Variants in INPP5D observed in about 807,000 individuals in gnomAD.
INPP5D encodes the protein phosphatidylinositol 3,4,5-trisphosphate 5-phosphatase 1.
Under a neutral mutation model 122.9 loss-of-function variants are expected in INPP5D, and 33 were observed. The ratio of observed to expected loss-of-function variants is 0.27; its 90% CI spans 0.20 to 0.36. The LOEUF is 0.36. Among genes scored for constraint, INPP5D ranks in the 10% least tolerant of loss-of-function variants. The pLI, the probability that INPP5D is intolerant of heterozygous loss-of-function variation, is 1.00. For synonymous variants in INPP5D, 584 were observed against 576.2 expected (o/e 1.01, Z -0.19); for missense variants, 1,053 against 1,412.7 (o/e 0.75, Z 4.08).
chr2:233,198,379 G>T lies in INPP5D; in HGVS notation c.2975+3G>T. The T allele has an allele frequency of 6.2e-7, 1 of 1,605,668 alleles. No individual in the cohort carries two copies. Among genetic ancestry groups the T allele is most frequent in the Non-Finnish European group, 8.5e-7 (1 of 1,173,520 alleles). ...CCTCCCAGGACACAGGAGTCAAGGT[G>T]AGCATCCTCTTCATTAAGACGGCTC... On this transcript the variant is annotated splice_donor_region_variant and intron_variant, in intron 25 of 26. Coordinates refer to ENST00000445964, the MANE Select transcript of INPP5D (RefSeq NM_001017915.3).
In INPP5D at chr2:233,086,248, G is replaced by T. The variant is rs546647680; in HGVS notation, c.198+6850G>T. Reference sequence around the variant, plus strand: ...GGGTGGAGGGCAATGGCATGATCTCGGCTCACCACAACCTCCGCCTCCTGG... The same window carrying T: ...GGGTGGAGGGCAATGGCATGATCTCTGCTCACCACAACCTCCGCCTCCTGG... On this transcript the variant is annotated intron_variant, in intron 2 of 26. Coordinates refer to ENST00000445964, the MANE Select transcript of INPP5D (RefSeq NM_001017915.3). 2.7e-5 allele frequency among the ~76,000 whole-genome samples: 4 copies of T among 149,420 alleles called. No individual in the cohort carries two copies. The South Asian group carries it at 6.3e-4, about 24-fold the overall frequency.
At position 233,204,159 on chromosome 2, in the gene INPP5D, G is replaced by A. The variant is rs1273634926; in HGVS notation, c.3009G>A (p.Thr1003=). The change falls in exon 26 of 27, where the codon ACG becomes ACA. Residue 1003 remains threonine, a synonymous_variant. Transcript: ENST00000445964. ...ACCTGGGGAAGAACGCAGGGGACAC[G>A]CTGCCTCAGGAGGACCTGCCGCTGA... The part of the protein sequence containing the change: ...PSDLGKNAGD[T]LPQEDLPLTK... 1.1e-5 allele frequency: 17 copies of A among 1,585,652 alleles called. No homozygotes were observed. The highest frequency in any genetic ancestry group is 3.6e-5 in the Admixed American group (2 of 55,022).
intron 1 of INPP5D, among the ~76,000 whole-genome samples, chr2:233,075,354 A>G (rs1210371246): frequency 6.6e-6 from 1 of 152,238 alleles, no homozygotes; most frequent in Non-Finnish European, 1.5e-5. Flanking sequence ...AGGTGTTACC[A>G]AATCACCACA....
At chr2:233,089,182 G>A (rs984055081) in intron 2 of INPP5D, among the ~76,000 whole-genome samples, 9 of 152,120 alleles carry the variant, frequency 5.9e-5, no homozygotes, top group African/African-American at 1.4e-4. Context: ...TTGAGGACAC[G>A]GGAGGGACCA....
rs1694999978 is a variant in INPP5D at position 233,189,598 on chromosome 2, G to C, written c.2359-252G>C. Among the ~76,000 whole-genome samples, 1 of 152,148 alleles carries C rather than the reference G, an allele frequency of 6.6e-6. No individual in the cohort carries two copies. Among genetic ancestry groups the C allele is most frequent in the South Asian group, 2.1e-4 (1 of 4,818 alleles). On this transcript the variant is annotated intron_variant, in intron 21 of 26. Transcript: ENST00000445964. The surrounding 1 kb of genome is among the most constrained non-coding windows in gnomAD (Gnocchi z 5.6). ...GTCAGGCCTTCTTGCTGGGACCTGG[G>C]AGCCAGCTCAGTTTAGGAGGCCTGG...
rs1383176420 is a variant in INPP5D at position 233,122,367 on chromosome 2, C to T, written c.349+110C>T. The T allele has an allele frequency of 1.2e-5, 15 of 1,202,500 alleles. No individual in the cohort carries two copies. In the South Asian group the frequency reaches 1.7e-4, roughly 13 times the overall value. 74.5% of individuals were successfully genotyped at this position (1,202,500 alleles called of 1,614,324 possible). On this transcript the variant is annotated intron_variant, in intron 3 of 26. Transcript: ENST00000445964. ...CCTATTATCAGAGGGAGATTGTTGG[C>T]GTGGGGGTTAAGGACAAGTTAGGAA...
chr2:233,093,879 C>G (rs1189285726), intron 2 of INPP5D, among the ~76,000 whole-genome samples: 2 of 152,130 alleles, frequency 1.3e-5, no homozygotes, highest in Non-Finnish European at 2.9e-5. Context: ...GGCTTCAGGC[C>G]ACACTCCCTT....
rs1037647648 is a variant in INPP5D at position 233,100,795 on chromosome 2, G to A, written c.199-21312G>A. 1.3e-5 allele frequency among the ~76,000 whole-genome samples: 2 copies of A among 152,182 alleles called. No homozygotes were observed. Among genetic ancestry groups the A allele is most frequent in the African/African-American group, 4.8e-5 (2 of 41,450 alleles). Reference sequence around the variant, plus strand: ...AGAGGGCAGGGTGGGCCCCACTGGGGAGCTGGAGGGCTCACTTTTGTCACT... The same window carrying A: ...AGAGGGCAGGGTGGGCCCCACTGGGAAGCTGGAGGGCTCACTTTTGTCACT... On this transcript the variant is annotated intron_variant, in intron 2 of 26. Transcript: ENST00000445964. This position sits in a 1 kb window ranked among gnomAD's most constrained non-coding sequence, Gnocchi z 5.3.
At chr2:233,069,260 G>A (rs924706962) in intron 1 of INPP5D, among the ~76,000 whole-genome samples, 15 of 152,162 alleles carry the variant, frequency 9.9e-5, no homozygotes, top group African/African-American at 1.4e-4. Context: ...GGACCTCCCC[G>A]GAGCAGAGAG....
At chr2:233,065,951 TAAAATTATTATTATTTTA>T (rs1691213916) in intron 1 of INPP5D, among the ~76,000 whole-genome samples, 1 of 150,406 alleles carries the variant, frequency 6.6e-6, no homozygotes, top group African/African-American at 2.5e-5. Flanking sequence ...GGCCTTTTTT[TAAAATTATTATTATTTTA>T]TTTTTTATTT....
intron 2 of INPP5D, among the ~76,000 whole-genome samples, chr2:233,110,962 C>T (rs115463369): frequency 0.013 from 2,022 of 151,774 alleles, 45 homozygotes; most frequent in African/African-American, 0.046. Context: ...ACTGTTGCTT[C>T]GACAGTTATT....
intron 19 of INPP5D, among the ~76,000 whole-genome samples, chr2:233,184,077 C>T (rs1165887665): frequency 6.6e-6 from 1 of 152,128 alleles, no homozygotes; most frequent in African/African-American, 2.4e-5. Context: ...TGTACAAAGT[C>T]TTTTTGCTGG....
rs373146734 is a variant in INPP5D, at chr2:233,092,781, C to T, written c.198+13383C>T. On this transcript the variant is annotated intron_variant, in intron 2 of 26. Coordinates refer to ENST00000445964, the MANE Select transcript of INPP5D (RefSeq NM_001017915.3). ...AGCATCCCTTTATCCCTCAATCTCC[C>T]GTCCCTTCTTCCATCTTGAGACAGG... Among the ~76,000 whole-genome samples, 6 of 152,170 alleles carry T rather than the reference C, an allele frequency of 3.9e-5. No homozygotes were observed. In the East Asian group the frequency reaches 9.6e-4, roughly 24 times the overall value.
intron 9 of INPP5D, among the ~76,000 whole-genome samples, chr2:233,152,683 A>G (rs1285653345): frequency 6.6e-6 from 1 of 152,106 alleles, no homozygotes; most frequent in East Asian, 1.9e-4. Context: ...CAACCCAGGG[A>G]AAGAGGCAAC....
In INPP5D at chr2:233,165,837, CCTCT is replaced by C. The variant is rs1559329331; in HGVS notation, c.1555+1416_1555+1419del. Among the ~76,000 whole-genome samples the C allele has an allele frequency of 3.3e-5, 4 of 120,528 alleles. No individual in the cohort carries two copies. The East Asian group carries it at 8.8e-4, about 27-fold the overall frequency. 79.1% of individuals were successfully genotyped at this position (120,528 alleles called of 152,430 possible). A position where few individuals can be genotyped will look rare whatever the true frequency, so the allele number is the denominator to read the frequency against. On this transcript the variant is annotated intron_variant, in intron 13 of 26. Transcript: ENST00000445964. ...GAGTGCATGTGCATAAGTGCTAGAG[CCTCT>C]CTGTGTGTTTGTGTGTGTGTGTGTG...
Position 233,170,443 on chromosome 2 carries a change from G to C in INPP5D, c.1792-53G>C. Reference sequence around the variant, plus strand: ...CCGCCCCCAGCCCCGAAGCTTGTCAGGCCTGGATCAGCAGGGCTTCTCACC... The same window carrying C: ...CCGCCCCCAGCCCCGAAGCTTGTCACGCCTGGATCAGCAGGGCTTCTCACC... On this transcript the variant is annotated intron_variant, in intron 15 of 26. Coordinates refer to ENST00000445964, the MANE Select transcript of INPP5D (RefSeq NM_001017915.3). This position sits in a 1 kb window ranked among gnomAD's most constrained non-coding sequence, Gnocchi z 4.5. 1 of 1,611,178 alleles carries C rather than the reference G, an allele frequency of 6.2e-7. No homozygotes were observed. The highest frequency in any genetic ancestry group is 8.5e-7 in the Non-Finnish European group (1 of 1,178,604).
chr2:233,182,846 C>T (rs1194640111), intron 19 of INPP5D, among the ~76,000 whole-genome samples: 2 of 152,026 alleles, frequency 1.3e-5, no homozygotes, highest in African/African-American at 4.8e-5. Context: ...ATTAGTAATG[C>T]CTTTGTTTTA....
At chr2:233,092,365 A>G (rs1004578364) in intron 2 of INPP5D, among the ~76,000 whole-genome samples, 2 of 152,050 alleles carry the variant, frequency 1.3e-5, no homozygotes, top group South Asian at 2.1e-4. Flanking sequence ...AGAGCGTCTC[A>G]GGGATATGTA....
chr2:233,186,073 A>C lies in INPP5D; in HGVS notation c.2358+148A>C, dbSNP rs1574795671. On this transcript the variant is annotated intron_variant, in intron 21 of 26. Coordinates refer to ENST00000445964, the MANE Select transcript of INPP5D (RefSeq NM_001017915.3). ...CAGAAAGAGACCCACTCTAGGAGCA[A>C]GCTCTCGCTCAAGGTGGTTCGTAAC... 9 of 1,219,662 alleles carry C rather than the reference A, an allele frequency of 7.4e-6. No homozygotes were observed. In the East Asian group the frequency reaches 2.7e-4, roughly 36 times the overall value. 75.6% of individuals were successfully genotyped at this position (1,219,662 alleles called of 1,614,324 possible). A position where few individuals can be genotyped will look rare whatever the true frequency, so the allele number is the denominator to read the frequency against.
Sources: gnomAD v4.1 joint callset for allele counts (sites outside exome capture counted in the v4.1 genomes callset) on GRCh38, gnomAD v4.1.1 for gene constraint, Gnocchi (gnomAD v3.1) non-coding constraint, MANE v1.5 for transcripts, NCBI Gene and HGNC (gene_info 2026-07-23, HGNC 2026-07-21) for gene names.